Variants in BTG4 observed in about 807,000 individuals in gnomAD.
BTG4 encodes the protein protein BTG4.
BTG4 carries 10 observed loss-of-function variants against 19.3 expected under a neutral mutation model. The observed-to-expected ratio is 0.52, with a 90% confidence interval of 0.32 to 0.88. The LOEUF is 0.88. Ranked by LOEUF, BTG4 falls within the 40% of genes least tolerant of loss-of-function variation. The pLI is 0.04. For missense variants in BTG4, 238 were observed against 281.9 expected (o/e 0.84, Z 1.11); for synonymous variants, 91 against 95.7 (o/e 0.95, Z 0.29).
the BTG4 span, among the ~76,000 whole-genome samples, chr11:111,392,852 C>T: frequency 1.3e-5 from 2 of 152,124 alleles, no homozygotes; most frequent in Non-Finnish European, 2.9e-5. Flanking sequence ...TGGGTATGTA[C>T]ATTATAGAAT....
the BTG4 span, among the ~76,000 whole-genome samples, chr11:111,446,016 A>C: frequency 2.0e-5 from 3 of 152,248 alleles, no homozygotes; most frequent in Non-Finnish European, 1.5e-5. Flanking sequence ...GGAGAAGTGC[A>C]GAGAGCTAAT....
In BTG4 at chr11:111,494,853, T is replaced by C. The variant is rs549270245; in HGVS notation, c.*282A>G. On this transcript the variant is annotated 3_prime_UTR_variant, in exon 5 of 5. Coordinates refer to ENST00000692032, the MANE Select transcript of BTG4 (RefSeq NM_001367975.1). Reference sequence around the variant, plus strand: ...GTACGTTTATTTAAACCATTACTTTTCATAATTCATTGAGTCTTATTAGAG... The same window carrying C: ...GTACGTTTATTTAAACCATTACTTTCCATAATTCATTGAGTCTTATTAGAG... 1 of 973,992 alleles carries C rather than the reference T, an allele frequency of 1.0e-6. No individual in the cohort carries two copies. The highest frequency in any genetic ancestry group is 4.7e-5 in the South Asian group (1 of 21,062). 60.3% of individuals were successfully genotyped at this position (973,992 alleles called of 1,614,324 possible). A position where few individuals can be genotyped will look rare whatever the true frequency, so the allele number is the denominator to read the frequency against.
At chr11:111,503,151 T>C (rs1478998787) in intron 1 of BTG4, among the ~76,000 whole-genome samples, 2 of 152,190 alleles carry the variant, frequency 1.3e-5, no homozygotes, top group East Asian at 3.9e-4. Flanking sequence ...AAGTGACTAC[T>C]TGGATGTAAA....
chr11:111,467,762 C>T, intron 5 of BTG4: 1 of 700,882 alleles, frequency 1.4e-6, no homozygotes. Flanking sequence ...ATTTTATTCC[C>T]TCCTGGAAAT....
chr11:111,455,347 C>T, the BTG4 span: 43 of 286,174 alleles, frequency 1.5e-4, no homozygotes, highest in Non-Finnish European at 2.5e-4. Flanking sequence ...GTGGCTGTAG[C>T]GCCTGCAGGT....
chr11:111,435,489 A>ATTACGAC, the BTG4 span, among the ~76,000 whole-genome samples: 1 of 152,170 alleles, frequency 6.6e-6, no homozygotes, highest in African/African-American at 2.4e-5. Context: ...ACGAAAGCAT[A>ATTACGAC]CCGCTCAGGG....
chr11:111,468,539 C>T (rs1438470825), intron 5 of BTG4, among the ~76,000 whole-genome samples: 5 of 152,216 alleles, frequency 3.3e-5, no homozygotes, highest in African/African-American at 1.2e-4. Context: ...CCACTCACAG[C>T]TGAGTCAAAG....
the BTG4 span, among the ~76,000 whole-genome samples, chr11:111,433,713 A>AAAGC: frequency 1.3e-5 from 2 of 151,660 alleles, no homozygotes; most frequent in Non-Finnish European, 2.9e-5. Context: ...TTACAAGAAA[A>AAAGC]AAACAACCCC....
the BTG4 span, among the ~76,000 whole-genome samples, chr11:111,461,607 G>C: frequency 6.6e-6 from 1 of 152,134 alleles, no homozygotes. Context: ...CCAGCTACTT[G>C]GGGGGCTGAG....
the BTG4 span, among the ~76,000 whole-genome samples, chr11:111,418,364 C>A: frequency 6.6e-6 from 1 of 152,156 alleles, no homozygotes; most frequent in South Asian, 2.1e-4. Context: ...AGCCTCTGTC[C>A]TCAAAGAACT....
At chr11:111,426,216 AG>A in the BTG4 span, among the ~76,000 whole-genome samples, 1 of 152,142 alleles carries the variant, frequency 6.6e-6, no homozygotes, top group East Asian at 1.9e-4. Flanking sequence ...GTCCAGCCAG[AG>A]AGAGGTGAGA....
chr11:111,492,010 T>A (rs925410818), downstream of BTG4, among the ~76,000 whole-genome samples: 5 of 152,174 alleles, frequency 3.3e-5, no homozygotes, highest in African/African-American at 1.2e-4. Context: ...GATCATATGC[T>A]CATGGATGGC....
At chr11:111,476,524 C>G (rs1156994884) in intron 5 of BTG4, among the ~76,000 whole-genome samples, 1 of 152,142 alleles carries the variant, frequency 6.6e-6, no homozygotes, top group African/African-American at 2.4e-5. Context: ...AGAATCAAGT[C>G]ACTACATCTA....
intron 1 of BTG4, among the ~76,000 whole-genome samples, chr11:111,507,425 A>T (rs1198652234): frequency 1.3e-5 from 2 of 152,052 alleles, no homozygotes; most frequent in African/African-American, 4.8e-5. Flanking sequence ...GAGATGACAG[A>T]GGCCAATCAG....
At chr11:111,392,117 G>A in the BTG4 span, among the ~76,000 whole-genome samples, 1 of 151,260 alleles carries the variant, frequency 6.6e-6, no homozygotes, top group South Asian at 2.1e-4. Context: ...GCTAGGCAAG[G>A]GCAAAGATAG....
At chr11:111,413,498 G>A in the BTG4 span, among the ~76,000 whole-genome samples, 3 of 152,186 alleles carry the variant, frequency 2.0e-5, no homozygotes, top group Non-Finnish European at 4.4e-5. Context: ...TATCTCCTGG[G>A]ATCCTCATAA....
the BTG4 span, among the ~76,000 whole-genome samples, chr11:111,409,857 A>G: frequency 6.6e-6 from 1 of 152,232 alleles, no homozygotes; most frequent in Non-Finnish European, 1.5e-5. Context: ...TATGTAAGTT[A>G]TCTCATTTGA....
chr11:111,434,524 T>C, the BTG4 span, among the ~76,000 whole-genome samples: 3 of 151,826 alleles, frequency 2.0e-5, no homozygotes, highest in Admixed American at 2.0e-4. Context: ...TGTGCACATG[T>C]ACCCTAGAAC....
the BTG4 span, chr11:111,386,230 C>CA: frequency 6.6e-6 from 1 of 151,928 alleles, no homozygotes; most frequent in East Asian, 1.9e-4. Context: ...ATATAGGACA[C>CA]AAAAAATAAA....
Sources: gnomAD v4.1 joint callset for allele counts (sites outside exome capture counted in the v4.1 genomes callset) on GRCh38, gnomAD v4.1.1 for gene constraint, MANE v1.5 for transcripts, NCBI Gene and HGNC (gene_info 2026-07-23, HGNC 2026-07-21) for gene names.